CD38: variants seen among roughly 807,000 people sequenced by gnomAD.
CD38 encodes the protein CD38 molecule, also known as ADP-ribosyl cyclase/cyclic ADP-ribose hydrolase 1.
A neutral mutation model predicts 36.3 loss-of-function variants in CD38; 31 were observed. That is an observed-to-expected ratio of 0.85 (90% CI 0.64 to 1.15). The LOEUF (loss-of-function observed/expected upper bound fraction) is 1.15. Among genes scored for constraint, CD38 ranks in the 50% most tolerant of loss-of-function variants. The pLI is 0.00. For synonymous variants in CD38, 131 were observed against 135.2 expected (o/e 0.97, Z 0.22); for missense variants, 380 against 371.9 (o/e 1.02, Z -0.18).
chr4:15,803,006 T>C (rs1456621023), intron 1 of CD38, among the ~76,000 whole-genome samples: 1 of 152,218 alleles, frequency 6.6e-6, no homozygotes, highest in Non-Finnish European at 1.5e-5. Flanking sequence ...TTATGGCCTA[T>C]TGATTTTCTG....
intron 7 of CD38, among the ~76,000 whole-genome samples, chr4:15,840,855 C>CACTG (rs1427131663): frequency 6.6e-6 from 1 of 152,132 alleles, no homozygotes; most frequent in African/African-American, 2.4e-5. Context: ...GTCCAGGGTT[C>CACTG]ACTGGCCTAC....
chr4:15,825,066 G>A, intron 3 of CD38, 50 bp downstream of exon 3: 1 of 1,552,060 alleles, frequency 6.4e-7, no homozygotes, highest in Non-Finnish European at 8.7e-7. Flanking sequence ...AGGGTGAACA[G>A]AGTGACTTCT....
Position 15,849,484 on chromosome 4 carries a change from T to C in CD38, c.*882T>C, listed in dbSNP as rs774358298. 2 of 152,234 alleles carry C rather than the reference T, an allele frequency of 1.3e-5. No homozygotes were observed. Among genetic ancestry groups the C allele is most frequent in the Non-Finnish European group, 2.9e-5 (2 of 68,042 alleles). 9.4% of individuals were successfully genotyped at this position (152,234 alleles called of 1,614,324 possible). Reference sequence around the variant, plus strand: ...ATTGACTAGAATGGAATCTGGAATATAGTTCTTCTGGATGGCTCCAAAACA... The same window carrying C: ...ATTGACTAGAATGGAATCTGGAATACAGTTCTTCTGGATGGCTCCAAAACA... On this transcript the variant is annotated 3_prime_UTR_variant, in exon 8 of 8. Transcript: ENST00000226279.
chr4:15,778,516 C>T lies in CD38; in HGVS notation c.102C>T (p.Ile34=), dbSNP rs1387112195. Residue 34 remains isoleucine (I), a synonymous_variant, in exon 1 of 8, where the codon ATC becomes ATT. Coordinates refer to ENST00000226279, the MANE Select transcript of CD38 (RefSeq NM_001775.4). The surrounding 1 kb of genome is among the most constrained non-coding windows in gnomAD (Gnocchi z 4.9). ...LCLGVSILVL[I]LVVVLAVVVP... ...TTGGCGTCAGTATCCTGGTCCTGAT[C>T]CTCGTCGTGGTGCTCGCGGTGGTCG... The T allele has an allele frequency of 1.2e-6, 2 of 1,613,808 alleles. No individual in the cohort carries two copies. Among genetic ancestry groups the T allele is most frequent in the Non-Finnish European group, 1.7e-6 (2 of 1,179,988 alleles).
chr4:15,852,980 T>G lies in CD38; in HGVS notation c.*4378T>G, dbSNP rs963383236. 1.3e-5 allele frequency: 2 copies of G among 152,046 alleles called. No individual in the cohort carries two copies. The highest frequency in any genetic ancestry group is 4.8e-5 in the African/African-American group (2 of 41,356). 9.4% of individuals were successfully genotyped at this position (152,046 alleles called of 1,614,324 possible). A position where few individuals can be genotyped will look rare whatever the true frequency, so the allele number is the denominator to read the frequency against. The stretch of plus-strand genomic sequence containing the variant: ...CGCCCGCCATCTCGCCCGGCTAATT[T>G]TTTGTATTTTTAGTAGAGACGGGGT... On this transcript the variant is annotated 3_prime_UTR_variant, in exon 8 of 8. Transcript: ENST00000226279.
chr4:15,778,747 T>C lies in CD38; in HGVS notation c.233+100T>C. ...ATCGCCCGGAACCGGGCATCTTCCG[T>C]GGCGGGTCAGCCGAGAGCCCGCCGG... On this transcript the variant is annotated intron_variant, in intron 1 of 7. Transcript: ENST00000226279. The surrounding 1 kb of genome is among the most constrained non-coding windows in gnomAD (Gnocchi z 4.9). The C allele has an allele frequency of 1.2e-6, 1 of 849,156 alleles. No homozygotes were observed. Among genetic ancestry groups the C allele is most frequent in the South Asian group, 1.6e-5 (1 of 62,582 alleles). 52.6% of individuals were successfully genotyped at this position (849,156 alleles called of 1,614,324 possible).
intron 1 of CD38, among the ~76,000 whole-genome samples, chr4:15,812,997 C>T (rs1195604068): frequency 2.0e-5 from 3 of 152,108 alleles, no homozygotes; most frequent in Non-Finnish European, 2.9e-5. Context: ...CATGTTTACT[C>T]GTTCTAACAG....
At chr4:15,807,105 G>C (rs7667590) in intron 1 of CD38, among the ~76,000 whole-genome samples, 1 of 151,898 alleles carries the variant, frequency 6.6e-6, no homozygotes, top group African/African-American at 2.4e-5. Context: ...GACACTCAGC[G>C]TAGAGACTCA....
intron 1 of CD38, among the ~76,000 whole-genome samples, chr4:15,815,216 G>A (rs1723571341): frequency 6.6e-6 from 1 of 152,108 alleles, no homozygotes; most frequent in Non-Finnish European, 1.5e-5. Flanking sequence ...CTCCAACTTC[G>A]TTCTTTTTGC....
Position 15,847,595 on chromosome 4 carries a change from C to CAAAAAAAAA in CD38, c.840-924_840-916dup, listed in dbSNP as rs71179666. 1.4e-3 allele frequency among the ~76,000 whole-genome samples: 53 copies of CAAAAAAAAA among 38,170 alleles called. 5 individuals are homozygous for CAAAAAAAAA. Among genetic ancestry groups the CAAAAAAAAA allele is most frequent in the East Asian group, 0.012 (6 of 514 alleles). 25.0% of individuals were successfully genotyped at this position (38,170 alleles called of 152,430 possible). ...AAAAATAAAAAACAACTCTCAGAAG[C>CAAAAAAAAA]AAAAAAAAAAAAAAAAAAAAAAAAA... On this transcript the variant is annotated intron_variant, in intron 7 of 7. Transcript: ENST00000226279.
At chr4:15,790,263 G>T (rs893746298) in intron 1 of CD38, among the ~76,000 whole-genome samples, 5 of 150,678 alleles carry the variant, frequency 3.3e-5, no homozygotes, top group Admixed American at 1.3e-4. Context: ...CTGCCATCTC[G>T]GCTCACTGCA....
chr4:15,842,182 A>T (rs954278771), intron 7 of CD38, among the ~76,000 whole-genome samples: 1 of 102,244 alleles, frequency 9.8e-6, no homozygotes, highest in Non-Finnish European at 1.9e-5. Context: ...TGAAGAGAGC[A>T]GTGGTTCTCC....
chr4:15,786,345 T>G (rs1173531255), intron 1 of CD38, among the ~76,000 whole-genome samples: 1 of 152,206 alleles, frequency 6.6e-6, no homozygotes, highest in Non-Finnish European at 1.5e-5. Context: ...TTTGACAGGG[T>G]GCTGATTGGT....
intron 1 of CD38, among the ~76,000 whole-genome samples, chr4:15,804,403 TCC>T (rs1723297511): frequency 6.6e-6 from 1 of 152,152 alleles, no homozygotes; most frequent in African/African-American, 2.4e-5. Flanking sequence ...TACCATATGA[TCC>T]AGTAATCTCG....
intron 1 of CD38, among the ~76,000 whole-genome samples, chr4:15,808,330 G>T (rs1470602772): frequency 1.3e-5 from 2 of 152,158 alleles, no homozygotes; most frequent in Non-Finnish European, 2.9e-5. Context: ...CTGGATGAGG[G>T]ATGCGAAAGG....
intron 1 of CD38, among the ~76,000 whole-genome samples, chr4:15,803,943 G>A (rs1723283393): frequency 6.6e-6 from 1 of 152,048 alleles, no homozygotes; most frequent in African/African-American, 2.4e-5. Context: ...TAGGATAATG[G>A]CCTCCAGCTG....
At chr4:15,833,404 C>T (rs186610535) in intron 3 of CD38, among the ~76,000 whole-genome samples, 1 of 152,306 alleles carries the variant, frequency 6.6e-6, no homozygotes, top group Admixed American at 6.5e-5. Flanking sequence ...TACTTTAAAG[C>T]ACCTTATGAA....
At chr4:15,814,816 T>C (rs1259600512) in intron 1 of CD38, among the ~76,000 whole-genome samples, 2 of 151,540 alleles carry the variant, frequency 1.3e-5, no homozygotes, top group African/African-American at 4.8e-5. Context: ...TTTTTTGTTT[T>C]TTTTTTTTGA....
chr4:15,804,989 A>G (rs1023145492), intron 1 of CD38, among the ~76,000 whole-genome samples: 1 of 152,214 alleles, frequency 6.6e-6, no homozygotes, highest in Admixed American at 6.5e-5. Flanking sequence ...AGATTCGATC[A>G]TTATGCATTG....
Sources: allele counts gnomAD v4.1 joint callset (sites outside exome capture counted in the v4.1 genomes callset), GRCh38; gene constraint gnomAD v4.1.1; non-coding constraint Gnocchi (gnomAD v3.1); transcripts MANE v1.5; gene names NCBI Gene and HGNC (gene_info 2026-07-23, HGNC 2026-07-21).